Variants in TRPC7 observed in about 807,000 individuals in gnomAD.
TRPC7 encodes short transient receptor potential channel 7.
Under a neutral mutation model 90.1 loss-of-function variants are expected in TRPC7, and 42 were observed. The observed-to-expected ratio is 0.47, with a 90% CI of 0.36 to 0.60. The LOEUF (loss-of-function observed/expected upper bound fraction) is 0.60, where lower values mean the gene tolerates loss of function less well. Ranked by LOEUF, TRPC7 falls within the 20% of genes least tolerant of loss-of-function variation. The probability of loss-of-function intolerance (pLI) is 0.00; values close to 1 mark genes in which losing one functional copy is unlikely to be tolerated. For missense variants in TRPC7, 955 were observed against 1,112.3 expected (o/e 0.86, Z 2.01); for synonymous variants, 451 against 436.3 (o/e 1.03, Z -0.42).
At chr5:136,252,319 G>T (rs1756550507) in intron 5 of TRPC7, among the ~76,000 whole-genome samples, 1 of 151,980 alleles carries the variant, frequency 6.6e-6, no homozygotes. Context: ...CAAGAACCTA[G>T]AACTATGGTT....
chr5:136,298,481 G>A (rs139143045), intron 3 of TRPC7, among the ~76,000 whole-genome samples: 2 of 152,176 alleles, frequency 1.3e-5, no homozygotes, highest in Non-Finnish European at 2.9e-5. Flanking sequence ...GTCCTGCCAA[G>A]ATCATTAGAA....
chr5:136,313,253 A>T (rs1035088318), intron 3 of TRPC7, among the ~76,000 whole-genome samples: 4 of 152,206 alleles, frequency 2.6e-5, no homozygotes, highest in Non-Finnish European at 5.9e-5. Flanking sequence ...CAGCCCATGG[A>T]ACTGCTAAGA....
At chr5:136,271,455 C>G (rs2149814307) in intron 4 of TRPC7, among the ~76,000 whole-genome samples, 1 of 152,288 alleles carries the variant, frequency 6.6e-6, no homozygotes, top group Middle Eastern at 3.4e-3. Context: ...TCTTTTGGCT[C>G]TGAGATCTTA....
At chr5:136,293,639 G>A (rs1223996796) in intron 3 of TRPC7, among the ~76,000 whole-genome samples, 1 of 152,194 alleles carries the variant, frequency 6.6e-6, no homozygotes. Context: ...TGAAATAAAA[G>A]AGGATACAAG....
At chr5:136,277,728 A>G (rs1035516477) in intron 3 of TRPC7, among the ~76,000 whole-genome samples, 1 of 152,274 alleles carries the variant, frequency 6.6e-6, no homozygotes, top group Middle Eastern at 3.4e-3. Flanking sequence ...TAGAATAGGA[A>G]CTCAGAAAAT....
intron 3 of TRPC7, among the ~76,000 whole-genome samples, chr5:136,296,868 A>G (rs965208704): frequency 6.6e-6 from 1 of 152,224 alleles, no homozygotes; most frequent in African/African-American, 2.4e-5. Context: ...AATGGAGCTG[A>G]GCCCTTTGGC....
intron 3 of TRPC7, among the ~76,000 whole-genome samples, chr5:136,284,205 T>C (rs1433676579): frequency 6.6e-6 from 1 of 152,252 alleles, no homozygotes; most frequent in Admixed American, 6.5e-5. Flanking sequence ...AGGATATGAA[T>C]ATTCAGCATT....
At chr5:136,216,380 A>G (rs1405092228) in intron 10 of TRPC7, 105 bp from the exon 11 acceptor site, 16 of 858,706 alleles carry the variant, frequency 1.9e-5, no homozygotes, top group Non-Finnish European at 2.8e-5. Flanking sequence ...CTCAGCAACC[A>G]TGGCGACCCT....
chr5:136,332,859 C>G (rs1053213790), intron 2 of TRPC7, among the ~76,000 whole-genome samples: 6 of 152,182 alleles, frequency 3.9e-5, no homozygotes, highest in African/African-American at 1.4e-4. Flanking sequence ...ATAGGACTTG[C>G]TTCAGCCAGC....
intron 10 of TRPC7, among the ~76,000 whole-genome samples, chr5:136,219,127 C>T (rs891595333): frequency 1.3e-5 from 2 of 152,152 alleles, no homozygotes; most frequent in African/African-American, 4.8e-5. Context: ...GGGGAAGCCT[C>T]ACTAGATTTC....
intron 10 of TRPC7, chr5:136,222,258 C>T (rs978177404): frequency 6.6e-6 from 1 of 152,012 alleles, no homozygotes; most frequent in African/African-American, 2.4e-5. Flanking sequence ...TGAATGAACA[C>T]CTGAAATGCT....
intron 5 of TRPC7, among the ~76,000 whole-genome samples, chr5:136,258,910 T>G (rs1238020286): frequency 6.6e-6 from 1 of 152,230 alleles, no homozygotes; most frequent in Admixed American, 6.5e-5. Flanking sequence ...AGAATATGCC[T>G]AGTGGCTGTG....
At position 136,283,870 on chromosome 5, in the gene TRPC7, G is replaced by A. The variant is rs185098556; in HGVS notation, c.964-9033C>T. Reference sequence around the variant, plus strand: ...CTGGGCCTTATGCAAACAATGGGGTGTGCCTATCAATGGACATCTACTCTC... The same window carrying A: ...CTGGGCCTTATGCAAACAATGGGGTATGCCTATCAATGGACATCTACTCTC... On this transcript the variant is annotated intron_variant, in intron 3 of 11. Transcript: ENST00000513104. Among the ~76,000 whole-genome samples the A allele has an allele frequency of 1.5e-3, 223 of 152,280 alleles. 2 individuals are homozygous for A. Among genetic ancestry groups the A allele is most frequent in the Non-Finnish European group, 2.2e-3 (149 of 68,016 alleles).
In TRPC7 at chr5:136,356,920, C is replaced by T. The variant is rs368106013; in HGVS notation, c.468G>A (p.Glu156=). 1.9e-4 allele frequency: 301 copies of T among 1,613,702 alleles called. No homozygotes were observed. The highest frequency in any genetic ancestry group is 2.4e-4 in the Non-Finnish European group (279 of 1,179,944). Reference sequence around the variant, plus strand: ...TGTCGTGGGAGAAGCGCGTGCCGTCCTCGTCGTAGGCATAGAAGTCGTCGT... The same window carrying T: ...TGTCGTGGGAGAAGCGCGTGCCGTCTTCGTCGTAGGCATAGAAGTCGTCGT... The part of the protein sequence containing the change: ...LRDDDFYAYD[E]DGTRFSHDIT... The change falls in exon 2 of 12, where the codon GAG becomes GAA. Residue 156 remains glutamate, a synonymous_variant. Transcript: ENST00000513104.
intron 7 of TRPC7, among the ~76,000 whole-genome samples, chr5:136,241,670 C>T (rs1182076698): frequency 2.0e-5 from 3 of 152,130 alleles, no homozygotes; most frequent in African/African-American, 7.2e-5. Context: ...ATTCTCCTGC[C>T]TCAATCTTCC....
At chr5:136,347,509 C>T (rs1760048321) in intron 2 of TRPC7, among the ~76,000 whole-genome samples, 2 of 152,172 alleles carry the variant, frequency 1.3e-5, no homozygotes, top group Admixed American at 1.3e-4. Flanking sequence ...TTACTTAGTT[C>T]ATGCAGCCAA....
chr5:136,246,647 A>C (rs1756348938), intron 7 of TRPC7, among the ~76,000 whole-genome samples: 1 of 152,064 alleles, frequency 6.6e-6, no homozygotes, highest in South Asian at 2.1e-4. Context: ...CCCTCTTCCC[A>C]TTCTTCACTT....
At chr5:136,249,960 A>T (rs1219200129) in intron 6 of TRPC7, among the ~76,000 whole-genome samples, 1 of 152,230 alleles carries the variant, frequency 6.6e-6, no homozygotes, top group East Asian at 1.9e-4. Flanking sequence ...GCAATAACGT[A>T]CTATGCTTTG....
chr5:136,364,804 A>T (rs1446625499), intron 1 of TRPC7, among the ~76,000 whole-genome samples: 2 of 152,212 alleles, frequency 1.3e-5, no homozygotes, highest in Admixed American at 6.5e-5. Context: ...AAGAAAAATG[A>T]CAATCTCTTT....
Sources: allele counts gnomAD v4.1 joint callset (sites outside exome capture counted in the v4.1 genomes callset), GRCh38; gene constraint gnomAD v4.1.1; transcripts MANE v1.5; gene names NCBI Gene and HGNC (gene_info 2026-07-23, HGNC 2026-07-21).